The following COL22A1 variants were observed in gnomAD, a reference collection of about 807,000 sequenced individuals.
The protein encoded by COL22A1 is collagen alpha-1(XXII) chain.
In COL22A1, 221 loss-of-function variants were observed where a neutral mutation model predicts 248.9. That is an observed-to-expected ratio of 0.89 (90% CI 0.80 to 0.99). The LOEUF (loss-of-function observed/expected upper bound fraction) is 0.99, where lower values mean the gene tolerates loss of function less well. Ranked by LOEUF, COL22A1 falls within the 50% of genes least tolerant of loss-of-function variation. The pLI is 0.00. For missense variants in COL22A1, 2,240 were observed against 2,179.0 expected (o/e 1.03, Z -0.56); for synonymous variants, 891 against 793.4 (o/e 1.12, Z -2.07).
In COL22A1 at chr8:138,866,646, C is replaced by T. The variant is rs1184811339; in HGVS notation, c.658+11104G>A. 5.3e-5 allele frequency among the ~76,000 whole-genome samples: 8 copies of T among 152,216 alleles called. No individual in the cohort carries two copies. In the South Asian group the frequency reaches 1.2e-3, roughly 24 times the overall value. Reference sequence around the variant, plus strand: ...TATATGCTGCAGTCTCCACTTTACTCGGGATGGCACCAGGGACAGAGTGAT... The same window carrying T: ...TATATGCTGCAGTCTCCACTTTACTTGGGATGGCACCAGGGACAGAGTGAT... On this transcript the variant is annotated intron_variant, in intron 3 of 64. Transcript: ENST00000303045.
At chr8:138,748,960 G>C (rs138756615) in intron 22 of COL22A1, among the ~76,000 whole-genome samples, 1 of 152,132 alleles carries the variant, frequency 6.6e-6, no homozygotes, top group Non-Finnish European at 1.5e-5. Context: ...TTGAATCATG[G>C]GGGCAGTTTC....
At chr8:138,805,903 G>A (rs1205875238) in intron 10 of COL22A1, among the ~76,000 whole-genome samples, 1 of 139,040 alleles carries the variant, frequency 7.2e-6, no homozygotes, top group Non-Finnish European at 1.6e-5. Flanking sequence ...TTATGGTGTA[G>A]GTGTGATGGT....
chr8:138,907,017 C>T (rs572698664), intron 1 of COL22A1, among the ~76,000 whole-genome samples: 226 of 152,300 alleles, frequency 1.5e-3, no homozygotes, highest in African/African-American at 5.1e-3. Flanking sequence ...TAGATGCTAC[C>T]AGGACCCGGC....
chr8:138,715,886 A>G (rs997937626), intron 29 of COL22A1, 151 bp from the exon 30 acceptor site: 1 of 645,078 alleles, frequency 1.6e-6, no homozygotes, highest in Non-Finnish European at 2.7e-6. Context: ...AAGTGGCCAC[A>G]GTGAAGTGTA....
At chr8:138,641,539 T>G (rs1821710618) in intron 47 of COL22A1, among the ~76,000 whole-genome samples, 1 of 152,184 alleles carries the variant, frequency 6.6e-6, no homozygotes, top group Admixed American at 6.5e-5. Flanking sequence ...TAACCACAAC[T>G]GCAGCAACGA....
intron 1 of COL22A1, among the ~76,000 whole-genome samples, chr8:138,911,059 T>C (rs984184857): frequency 1.3e-5 from 2 of 152,204 alleles, no homozygotes; most frequent in Admixed American, 1.3e-4. Flanking sequence ...CTTAAAAGCT[T>C]ACCTAGCTCA....
At chr8:138,887,192 G>A (rs1824731801) in intron 1 of COL22A1, among the ~76,000 whole-genome samples, 1 of 150,048 alleles carries the variant, frequency 6.7e-6, no homozygotes, top group Admixed American at 6.6e-5. Context: ...CCCACCCCTA[G>A]CCCCTCACTA....
intron 23 of COL22A1, among the ~76,000 whole-genome samples, chr8:138,730,284 C>T (rs1216524452): frequency 6.6e-6 from 1 of 152,164 alleles, no homozygotes; most frequent in Non-Finnish European, 1.5e-5. Context: ...GGGCAGTGGG[C>T]AGGCACAGCT....
At chr8:138,821,917 T>C (rs761410257) in intron 6 of COL22A1, among the ~76,000 whole-genome samples, 6 of 152,210 alleles carry the variant, frequency 3.9e-5, no homozygotes, top group African/African-American at 7.2e-5. Flanking sequence ...TCCCATAAAA[T>C]GTTTCTTGAT....
intron 22 of COL22A1, among the ~76,000 whole-genome samples, chr8:138,745,929 A>C (rs923961519): frequency 5.3e-5 from 8 of 152,220 alleles, no homozygotes; most frequent in Non-Finnish European, 1.2e-4. Flanking sequence ...CAGGAAATTA[A>C]AGCCTTGGAA....
intron 30 of COL22A1, among the ~76,000 whole-genome samples, chr8:138,704,146 C>T (rs1290926719): frequency 1.3e-5 from 2 of 152,182 alleles, no homozygotes; most frequent in Non-Finnish European, 2.9e-5. Context: ...CTGGGTGGAG[C>T]CAACCACAGC....
intron 7 of COL22A1, among the ~76,000 whole-genome samples, chr8:138,815,210 T>C (rs1013942048): frequency 6.6e-6 from 1 of 152,142 alleles, no homozygotes; most frequent in African/African-American, 2.4e-5. Flanking sequence ...GGGTATGTCT[T>C]TATTAGCAGC....
In COL22A1 at chr8:138,649,759, G is replaced by C. The variant is rs1410454712; in HGVS notation, c.3353C>G (p.Pro1118Arg). Residue 1118 changes from proline (P) to arginine (R), a missense_variant, in exon 46 of 65, where the codon CCT (proline) becomes CGT (arginine). Coordinates refer to ENST00000303045, the MANE Select transcript of COL22A1 (RefSeq NM_152888.3). ...ACCAGGGAGGCCTGGGGGGCCAGGAGGGCAGTCATTGCACACATCCTGAGA... is the reference window on the plus strand; with the variant it reads ...ACCAGGGAGGCCTGGGGGGCCAGGACGGCAGTCATTGCACACATCCTGAGA... Reference protein sequence around the residue: ...LLAKDVCNDCPPGPPGLPGLP... With the variant: ...LLAKDVCNDCRPGPPGLPGLP... 1.2e-6 allele frequency: 2 copies of C among 1,600,534 alleles called. No individual in the cohort carries two copies. Among genetic ancestry groups the C allele is most frequent in the South Asian group, 2.2e-5 (2 of 89,146 alleles).
chr8:138,726,265 A>G lies in COL22A1; in HGVS notation c.2140-825T>C, dbSNP rs993355322. ...ACAGGACTTTGGAAGGCTGAGGCAA[A>G]AGGATCACTACAGGCCAGGAGTTTG... On this transcript the variant is annotated intron_variant, in intron 23 of 64. Transcript: ENST00000303045. 5.9e-5 allele frequency among the ~76,000 whole-genome samples: 9 copies of G among 152,056 alleles called. No individual in the cohort carries two copies. In the East Asian group the frequency reaches 1.7e-3, roughly 30 times the overall value.
At chr8:138,901,359 T>TTTTG (rs1563905200) in intron 1 of COL22A1, among the ~76,000 whole-genome samples, 7 of 27,038 alleles carry the variant, frequency 2.6e-4, no homozygotes, top group African/African-American at 4.6e-4. Flanking sequence ...TACTGGCAGG[T>TTTTG]TTTTTTTTTG....
Position 138,598,636 on chromosome 8 carries a change from G to T in COL22A1, c.4365+83C>A, listed in dbSNP as rs1033717578. On this transcript the variant is annotated intron_variant, in intron 61 of 64. Coordinates refer to ENST00000303045, the MANE Select transcript of COL22A1 (RefSeq NM_152888.3). ...CTAGAAGACTGGGATCTGTAAACTG[G>T]TGCCTCTGAAGTCCACACACTTCCC... The T allele has an allele frequency of 9.6e-5, 127 of 1,324,706 alleles. 1 individual carries two copies. The highest frequency in any genetic ancestry group is 1.2e-4 in the Non-Finnish European group (118 of 960,016). 82.1% of individuals were successfully genotyped at this position (1,324,706 alleles called of 1,614,324 possible).
At chr8:138,695,579 T>C (rs1281750818) in intron 32 of COL22A1, among the ~76,000 whole-genome samples, 1 of 151,688 alleles carries the variant, frequency 6.6e-6, no homozygotes. Context: ...AGACTGGGGG[T>C]TGAACCCTAG....
At chr8:138,627,453 T>C (rs1360189795) in intron 50 of COL22A1, among the ~76,000 whole-genome samples, 1 of 152,202 alleles carries the variant, frequency 6.6e-6, no homozygotes, top group Non-Finnish European at 1.5e-5. Flanking sequence ...CCAAGTACTA[T>C]ATTAGACCAT....
intron 4 of COL22A1, among the ~76,000 whole-genome samples, chr8:138,837,291 G>C (rs377680816): frequency 4.6e-5 from 7 of 152,282 alleles, no homozygotes; most frequent in African/African-American, 1.7e-4. Context: ...TGCATGACTG[G>C]GAGCAGCCGC....
Sources: allele counts gnomAD v4.1 joint callset (sites outside exome capture counted in the v4.1 genomes callset), GRCh38; gene constraint gnomAD v4.1.1; transcripts MANE v1.5; gene names NCBI Gene and HGNC (gene_info 2026-07-23, HGNC 2026-07-21).